ARHGAP26: variants seen among roughly 807,000 people sequenced by gnomAD.
The protein encoded by ARHGAP26 is Rho GTPase activating protein 26.
Under a neutral mutation model 104.8 loss-of-function variants are expected in ARHGAP26, and 38 were observed. The ratio of observed to expected loss-of-function variants is 0.36; its 90% CI spans 0.28 to 0.48. The LOEUF is 0.48. ARHGAP26 is among the 20% of genes least tolerant of loss of function. The pLI is 0.99. For missense variants in ARHGAP26, 704 were observed against 947.9 expected (o/e 0.74, Z 3.38); for synonymous variants, 341 against 340.0 (o/e 1.00, Z -0.03).
intron 1 of ARHGAP26, among the ~76,000 whole-genome samples, chr5:142,812,738 A>G (rs961243267): frequency 1.2e-4 from 18 of 151,866 alleles, no homozygotes; most frequent in Non-Finnish European, 1.9e-4. Context: ...GGGTCTTGCT[A>G]TGTTGCCCAT....
intron 19 of ARHGAP26, among the ~76,000 whole-genome samples, chr5:143,142,515 T>TC (rs1798685061): frequency 6.6e-6 from 1 of 152,200 alleles, no homozygotes; most frequent in Admixed American, 6.5e-5. Context: ...AAAAACATTG[T>TC]CCAAACTGTT....
At chr5:143,188,091 T>G (rs1209301367) in intron 20 of ARHGAP26, among the ~76,000 whole-genome samples, 2 of 152,226 alleles carry the variant, frequency 1.3e-5, no homozygotes, top group Non-Finnish European at 2.9e-5. Flanking sequence ...AGTTTATTAA[T>G]TCAGTGGATA....
intron 1 of ARHGAP26, among the ~76,000 whole-genome samples, chr5:142,794,413 C>T (rs1760533915): frequency 6.6e-6 from 1 of 152,198 alleles, no homozygotes; most frequent in Admixed American, 6.5e-5. Context: ...AGTTACTCCA[C>T]ACTGGCATAA....
At chr5:142,819,013 T>C (rs959568676) in intron 1 of ARHGAP26, among the ~76,000 whole-genome samples, 10 of 152,118 alleles carry the variant, frequency 6.6e-5, no homozygotes, top group Non-Finnish European at 1.5e-4. Flanking sequence ...ACAGTGAGTC[T>C]TAGGGGTGAT....
At chr5:142,879,903 A>G (rs1756701470) in intron 4 of ARHGAP26, among the ~76,000 whole-genome samples, 1 of 152,200 alleles carries the variant, frequency 6.6e-6, no homozygotes, top group African/African-American at 2.4e-5. Context: ...GGCAGCTGGT[A>G]CTTAGGTTTA....
intron 6 of ARHGAP26, among the ~76,000 whole-genome samples, chr5:142,898,034 G>T (rs1051835161): frequency 2.0e-5 from 3 of 152,124 alleles, no homozygotes; most frequent in Admixed American, 2.0e-4. Context: ...TTTCTTGAAA[G>T]TAACTTCAAG....
chr5:143,172,852 G>C (rs1802963783), intron 20 of ARHGAP26: 1 of 165,102 alleles, frequency 6.1e-6, no homozygotes, highest in African/African-American at 2.4e-5. Flanking sequence ...GAGGTCTGTG[G>C]GAATATAAAT....
rs190004889 is a variant in ARHGAP26 at position 142,907,627 on chromosome 5, G to T, written c.833-77G>T. 7.8e-5 allele frequency: 70 copies of T among 901,538 alleles called. No homozygotes were observed. In the African/African-American group the frequency reaches 9.6e-4, roughly 12 times the overall value. 55.8% of individuals were successfully genotyped at this position (901,538 alleles called of 1,614,324 possible). Reference sequence around the variant, plus strand: ...GGTAGATGAGCATTATGAATTATGGGTTGTGGTTTTTCCAGCTCATGATGT... The same window carrying T: ...GGTAGATGAGCATTATGAATTATGGTTTGTGGTTTTTCCAGCTCATGATGT... On this transcript the variant is annotated intron_variant, in intron 8 of 22. Coordinates refer to ENST00000645722, the MANE Select transcript of ARHGAP26 (RefSeq NM_001135608.3).
intron 10 of ARHGAP26, among the ~76,000 whole-genome samples, chr5:142,917,507 T>C (rs1762646148): frequency 1.3e-5 from 2 of 152,168 alleles, no homozygotes; most frequent in South Asian, 4.1e-4. Context: ...AACTGTACAA[T>C]ATAAAGTACA....
intron 1 of ARHGAP26, among the ~76,000 whole-genome samples, chr5:142,793,020 C>G (rs1760175251): frequency 6.6e-6 from 1 of 152,102 alleles, no homozygotes; most frequent in South Asian, 2.1e-4. Flanking sequence ...TGGGTATTCC[C>G]CCTAGGCATC....
At chr5:143,126,197 T>C (rs1305998563) in intron 18 of ARHGAP26, among the ~76,000 whole-genome samples, 1 of 152,090 alleles carries the variant, frequency 6.6e-6, no homozygotes. Context: ...TCAATGGAAG[T>C]TTTCTAGGCA....
intron 9 of ARHGAP26, among the ~76,000 whole-genome samples, chr5:142,911,393 C>T (rs1761820735): frequency 6.6e-6 from 1 of 152,182 alleles, no homozygotes; most frequent in Non-Finnish European, 1.5e-5. Flanking sequence ...GGCCTGTCCA[C>T]CTGCTCCATT....
At chr5:142,890,149 AAAATATATATATATAT>A (rs1417949983) in intron 5 of ARHGAP26, among the ~76,000 whole-genome samples, 84 of 66,686 alleles carry the variant, frequency 1.3e-3, no homozygotes, top group African/African-American at 3.3e-3. Flanking sequence ...AAAAAAAAAA[AAAATATATATATATAT>A]ATATATATAT....
intron 17 of ARHGAP26, among the ~76,000 whole-genome samples, chr5:143,085,954 C>A (rs1229516060): frequency 6.6e-6 from 1 of 152,210 alleles, no homozygotes; most frequent in Non-Finnish European, 1.5e-5. Context: ...AAAGGTTTGA[C>A]TTCCTAAGGC....
At chr5:143,033,698 A>G (rs949334828) in intron 12 of ARHGAP26, among the ~76,000 whole-genome samples, 1 of 152,206 alleles carries the variant, frequency 6.6e-6, no homozygotes, top group Non-Finnish European at 1.5e-5. Context: ...GACCATGTTC[A>G]CAAGCCTACT....
intron 6 of ARHGAP26, among the ~76,000 whole-genome samples, chr5:142,900,622 G>C (rs1418664092): frequency 1.2e-5 from 1 of 85,294 alleles, no homozygotes; most frequent in Non-Finnish European, 2.3e-5. Context: ...GGGGGGGCGG[G>C]ATGAGATTCC....
intron 12 of ARHGAP26, among the ~76,000 whole-genome samples, chr5:143,032,059 T>C (rs1781960758): frequency 6.6e-6 from 1 of 152,208 alleles, no homozygotes; most frequent in African/African-American, 2.4e-5. Context: ...ACGTGTTCTC[T>C]AGAGAACTTT....
Position 142,878,910 on chromosome 5 carries a change from C to T in ARHGAP26, c.313-464C>T, listed in dbSNP as rs144050972. Among the ~76,000 whole-genome samples the T allele has an allele frequency of 1.3e-3, 192 of 152,228 alleles. 1 individual carries two copies. Among genetic ancestry groups the T allele is most frequent in the African/African-American group, 4.3e-3 (177 of 41,552 alleles). On this transcript the variant is annotated intron_variant, in intron 3 of 22. Coordinates refer to ENST00000645722, the MANE Select transcript of ARHGAP26 (RefSeq NM_001135608.3). The stretch of plus-strand genomic sequence containing the variant: ...GTCCAGTCCTGTCTTGGTAGAGCAA[C>T]ACAAAATCAAGCTTGGAAGGTTTTT...
intron 15 of ARHGAP26, among the ~76,000 whole-genome samples, chr5:143,055,599 A>T (rs1309397860): frequency 1.3e-5 from 2 of 152,192 alleles, no homozygotes; most frequent in Non-Finnish European, 2.9e-5. Flanking sequence ...TCACCACCAC[A>T]ACACCTACAA....
Sources: gnomAD v4.1 joint callset for allele counts (sites outside exome capture counted in the v4.1 genomes callset) on GRCh38, gnomAD v4.1.1 for gene constraint, MANE v1.5 for transcripts, NCBI Gene and HGNC (gene_info 2026-07-23, HGNC 2026-07-21) for gene names.